Variants in NF1 observed in about 807,000 individuals in gnomAD.
NF1 encodes the protein neurofibromin 1, also known as neurofibromin.
Under a neutral mutation model 325.7 loss-of-function variants are expected in NF1, and 122 were observed. The observed-to-expected ratio is 0.37, with a 90% confidence interval of 0.32 to 0.44. The LOEUF (loss-of-function observed/expected upper bound fraction) is 0.44, where lower values mean the gene tolerates loss of function less well. Among genes scored for constraint, NF1 ranks in the 20% least tolerant of loss-of-function variants. The probability of loss-of-function intolerance (pLI) is 1.00; values close to 1 mark genes in which losing one functional copy is unlikely to be tolerated. For synonymous variants in NF1, 1,091 were observed against 1,186.0 expected, an observed-to-expected ratio of 0.92 and a Z score of 1.65; for missense variants, 2,140 against 3,415.4, an observed-to-expected ratio of 0.63 and a Z score of 9.31.
chr17:31,239,761 C>G (rs1275266103), intron 29 of NF1, among the ~76,000 whole-genome samples: 1 of 151,796 alleles, frequency 6.6e-6, no homozygotes, highest in Non-Finnish European at 1.5e-5. Context: ...AAGCATTGAT[C>G]CTTTCTTTTT....
chr17:31,281,876 G>A (rs1369332664), intron 36 of NF1, among the ~76,000 whole-genome samples: 1 of 151,918 alleles, frequency 6.6e-6, no homozygotes, highest in Non-Finnish European at 1.5e-5. Context: ...GGGCAACATA[G>A]TGATACCCTG....
rs2067066249 is a variant in NF1, at chr17:31,229,114, C to T, written c.2499C>T (p.Ser833=). 6.2e-7 allele frequency: 1 copy of T among 1,611,800 alleles called. No individual in the cohort carries two copies. The highest frequency in any genetic ancestry group is 1.7e-5 in the Admixed American group (1 of 59,974). The part of the protein sequence containing the change: ...GGSIDLSDTD[S]LQEWINMTGF... ...CCATAGATTTGTCTGACACAGACTC[C>T]CTACAGGAATGGATCAACATGACTG... The change falls in exon 21 of 58, where the codon TCC becomes TCT. Residue 833 remains serine (S), a synonymous_variant. Transcript: ENST00000358273.
rs753548737 is a variant in NF1 at position 31,232,204 on chromosome 17, C to T, written c.3314+15C>T. ...TTATTTCTTAAGTAAATTTCAGTCA[C>T]CAAAAAACATAAAGCAAAAAGCAAA... is the stretch of plus-strand genomic sequence containing the variant. On this transcript the variant is annotated intron_variant, in intron 25 of 57. Transcript: ENST00000358273. The T allele has an allele frequency of 6.6e-7, 1 of 1,515,576 alleles. No homozygotes were observed. The highest frequency in any genetic ancestry group is 1.7e-5 in the Admixed American group (1 of 59,656). The allele number at this position is 1,515,576 out of a possible 1,614,324, so 93.9% of individuals were successfully genotyped here.
intron 1 of NF1, among the ~76,000 whole-genome samples, chr17:31,102,367 TTG>T (rs1555596121): frequency 5.3e-5 from 8 of 152,266 alleles, no homozygotes; most frequent in Admixed American, 1.3e-4. Context: ...TTATTATTTT[TTG>T]TGTGTGTGAC....
intron 47 of NF1, among the ~76,000 whole-genome samples, chr17:31,341,056 C>A (rs1346059480): frequency 1.3e-5 from 2 of 151,880 alleles, no homozygotes; most frequent in Non-Finnish European, 2.9e-5. Flanking sequence ...CATTCTCTGC[C>A]CCCCATTTCA....
intron 48 of NF1, chr17:31,346,124 C>G: frequency 6.2e-7 from 1 of 1,611,648 alleles, no homozygotes; most frequent in Non-Finnish European, 8.5e-7. Flanking sequence ...CGAACAAAAT[C>G]TGGCCCTACG....
chr17:31,327,789 A>G lies in NF1; in HGVS notation c.5559A>G (p.Thr1853=). 1 of 1,614,198 alleles carries G rather than the reference A, an allele frequency of 6.2e-7. No homozygotes were observed. ...TTCGGCCAAAAGATGTCCCTGGGAC[A>G]CTGCTCAATATCGCATTACTTAATT... ...TKIRPKDVPG[T]LLNIALLNLG... Residue 1853 remains threonine, a synonymous_variant, in exon 38 of 58, where the codon ACA becomes ACG. Coordinates refer to ENST00000358273, the MANE Select transcript of NF1 (RefSeq NM_001042492.3).
chr17:31,338,217 A>T (rs758855928), intron 45 of NF1, 78 bp downstream of exon 45: 28 of 1,065,006 alleles, frequency 2.6e-5, no homozygotes, highest in Admixed American at 6.8e-5. Context: ...TTTCTAAAAG[A>T]CGTTTAAATT....
At chr17:31,355,839 G>C (rs1320878511) in intron 51 of NF1, 2 of 153,572 alleles carry the variant, frequency 1.3e-5, no homozygotes, top group African/African-American at 4.8e-5. Context: ...CACAGAGCGA[G>C]ACCCTATCAA....
chr17:31,247,175 CA>C (rs1398256166), intron 29 of NF1, among the ~76,000 whole-genome samples: 2 of 123,740 alleles, frequency 1.6e-5, no homozygotes, highest in African/African-American at 6.6e-5. Flanking sequence ...AGCCCGGCAA[CA>C]GAGCAAGACT....
At chr17:31,108,130 T>TAA (rs56223998) in intron 1 of NF1, among the ~76,000 whole-genome samples, 1 of 141,660 alleles carries the variant, frequency 7.1e-6, no homozygotes, top group African/African-American at 2.6e-5. Flanking sequence ...GAAACTCTGT[T>TAA]AAAAAAAAAA....
intron 1 of NF1, among the ~76,000 whole-genome samples, chr17:31,110,252 T>TA (rs113049127): frequency 3.3e-5 from 5 of 151,968 alleles, no homozygotes; most frequent in South Asian, 4.2e-4. Flanking sequence ...AAATCAATAC[T>TA]AAAAAAAATA....
At chr17:31,189,096 A>G (rs1169246188) in intron 8 of NF1, among the ~76,000 whole-genome samples, 3 of 152,170 alleles carry the variant, frequency 2.0e-5, no homozygotes. Flanking sequence ...GTAGTACTCG[A>G]GTGAATTTAC....
chr17:31,125,684 G>A (rs1303399475), intron 1 of NF1, among the ~76,000 whole-genome samples: 3 of 151,798 alleles, frequency 2.0e-5, no homozygotes, highest in Admixed American at 6.6e-5. Context: ...TTACAGGAGC[G>A]AGCACCATGC....
In NF1 at chr17:31,169,810, T is replaced by G. The variant is rs1003697474; in HGVS notation, c.480-81T>G. 3.1e-6 allele frequency: 3 copies of G among 980,712 alleles called. No homozygotes were observed. In the African/African-American group the frequency reaches 4.8e-5, roughly 16 times the overall value. 60.8% of individuals were successfully genotyped at this position (980,712 alleles called of 1,614,324 possible). ...GTCCTCCTGCCTTGGCCTCCTGAAG[T>G]GCTGGGATTACAGGTGTGAGATACC... On this transcript the variant is annotated intron_variant, in intron 4 of 57. Transcript: ENST00000358273.
intron 1 of NF1, 88 bp downstream of exon 1, chr17:31,095,457 C>T (rs1045895556): frequency 5.3e-5 from 68 of 1,290,504 alleles, no homozygotes; most frequent in Non-Finnish European, 6.8e-5. Flanking sequence ...CCGCCTCCCC[C>T]GCGGCTGCCT....
intron 1 of NF1, among the ~76,000 whole-genome samples, chr17:31,105,663 C>T (rs184485388): frequency 1.5e-4 from 23 of 152,180 alleles, no homozygotes; most frequent in Admixed American, 9.2e-4. Context: ...GACAGGCATG[C>T]GCCACCATGC....
At chr17:31,273,392 T>TGGG (rs1325203505) in intron 36 of NF1, among the ~76,000 whole-genome samples, 1 of 152,168 alleles carries the variant, frequency 6.6e-6, no homozygotes, top group Non-Finnish European at 1.5e-5. Context: ...ACCAACTCCT[T>TGGG]CATTTTGCAA....
At chr17:31,316,513 G>T (rs997347447) in intron 36 of NF1, among the ~76,000 whole-genome samples, 3 of 152,142 alleles carry the variant, frequency 2.0e-5, no homozygotes, top group Non-Finnish European at 4.4e-5. Context: ...CTATTTTTAT[G>T]ATGATATTAA....
Sources: allele counts gnomAD v4.1 joint callset (sites outside exome capture counted in the v4.1 genomes callset), GRCh38; gene constraint gnomAD v4.1.1; transcripts MANE v1.5; gene names NCBI Gene and HGNC (gene_info 2026-07-23, HGNC 2026-07-21).